Variants in GTF3C2 observed in about 807,000 individuals in gnomAD.
The protein encoded by GTF3C2 is general transcription factor IIIC subunit 2.
Under a neutral mutation model 117.4 loss-of-function variants are expected in GTF3C2, and 17 were observed. That is an observed-to-expected ratio of 0.14 (90% CI 0.10 to 0.22). The LOEUF is 0.22. GTF3C2 is among the 10% of genes least tolerant of loss of function. The pLI is 1.00. For missense variants in GTF3C2, 888 were observed against 1,143.6 expected (o/e 0.78, Z 3.22); for synonymous variants, 437 against 427.0 (o/e 1.02, Z -0.29).
chr2:27,349,496 T>C (rs1240195836), intron 1 of GTF3C2, among the ~76,000 whole-genome samples: 5 of 152,030 alleles, frequency 3.3e-5, no homozygotes, highest in Admixed American at 1.3e-4. Context: ...AAGAGATGCC[T>C]AAAACAAAAT....
intron 1 of GTF3C2, among the ~76,000 whole-genome samples, chr2:27,354,239 T>A (rs1681244952): frequency 6.6e-6 from 1 of 151,908 alleles, no homozygotes; most frequent in Admixed American, 6.6e-5. Context: ...GCTGTGATCA[T>A]GCCACTCGAC....
chr2:27,329,289 A>C lies in GTF3C2; in HGVS notation c.1878-7T>G, dbSNP rs1159484607. ...CGCAGAGACAAGGAAATGGCTGTAA[A>C]AAGACGGGAGAAGGTCAAATCCAAA... is the stretch of plus-strand genomic sequence containing the variant. On this transcript the variant is annotated splice_region_variant and splice_polypyrimidine_tract_variant and intron_variant, in intron 13 of 18. Coordinates refer to ENST00000264720, the Ensembl canonical transcript of GTF3C2. The surrounding 1 kb of genome is among the most constrained non-coding windows in gnomAD (Gnocchi z 4.5). 14 of 1,614,158 alleles carry C rather than the reference A, an allele frequency of 8.7e-6. No individual in the cohort carries two copies. Among genetic ancestry groups the C allele is most frequent in the Non-Finnish European group, 1.2e-5 (14 of 1,180,012 alleles).
chr2:27,343,943 A>G (rs1015813141), intron 1 of GTF3C2, among the ~76,000 whole-genome samples: 5 of 152,200 alleles, frequency 3.3e-5, no homozygotes, highest in African/African-American at 1.2e-4. Flanking sequence ...ATGACAATAA[A>G]CAAGACAGAC....
exon 19 of GTF3C2, chr2:27,326,433 C>CCAT: frequency 1.7e-6 from 1 of 580,904 alleles, no homozygotes; most frequent in South Asian, 2.0e-5. Context: ...TTCTCATGAG[C>CCAT]CATAGTCTTA....
chr2:27,350,607 C>T, intron 1 of GTF3C2: 1 of 573,932 alleles, frequency 1.7e-6, no homozygotes, highest in Non-Finnish European at 2.2e-6. Context: ...CAAGATCAGC[C>T]TGGGCAACAC....
Position 27,329,059 on chromosome 2 carries a change from C to T in GTF3C2, c.2039+62G>A, listed in dbSNP as rs1344742921. The T allele has an allele frequency of 2.6e-6, 4 of 1,545,612 alleles. No individual in the cohort carries two copies. The highest frequency in any genetic ancestry group is 3.6e-6 in the Non-Finnish European group (4 of 1,118,492). The stretch of plus-strand genomic sequence containing the variant: ...CCCTCCTCTCCCCACAACAATCTGG[C>T]ATGCTTTGCATTCCAACCCTTAGGG... On this transcript the variant is annotated intron_variant, in intron 14 of 18. Coordinates refer to ENST00000264720, the Ensembl canonical transcript of GTF3C2. This position sits in a 1 kb window ranked among gnomAD's most constrained non-coding sequence, Gnocchi z 4.5.
At chr2:27,331,901 T>C (rs1013295524) in intron 12 of GTF3C2, among the ~76,000 whole-genome samples, 3 of 152,114 alleles carry the variant, frequency 2.0e-5, no homozygotes, top group African/African-American at 7.2e-5. Flanking sequence ...ATCTTGCCAC[T>C]GCACTCCAGC....
At chr2:27,328,295 C>A (rs1572561991) in intron 16 of GTF3C2, 106 bp from the exon 17 acceptor site, 1 of 1,029,902 alleles carries the variant, frequency 9.7e-7, no homozygotes, top group East Asian at 2.4e-5. Flanking sequence ...AAAGTAGTAT[C>A]TTTAAATATA....
chr2:27,337,120 T>C (rs1680513336), intron 7 of GTF3C2, 124 bp downstream of exon 7: 2 of 648,762 alleles, frequency 3.1e-6, no homozygotes, highest in Admixed American at 2.8e-5. Flanking sequence ...AGCACTCTTA[T>C]TCTTGGGACC....
At chr2:27,326,846 C>G (rs199644340) in exon 19 of GTF3C2, 1 of 1,613,930 alleles carries the variant, frequency 6.2e-7, no homozygotes, top group Non-Finnish European at 8.5e-7. Context: ...CTGACTGCCC[C>G]CCAGATACCA....
At chr2:27,347,585 A>T (rs1423323650) in intron 1 of GTF3C2, among the ~76,000 whole-genome samples, 1 of 152,234 alleles carries the variant, frequency 6.6e-6, no homozygotes, top group Admixed American at 6.5e-5. Flanking sequence ...CCGAAAGAAA[A>T]GGATAGAAAG....
intron 16 of GTF3C2, 117 bp from the exon 17 acceptor site, chr2:27,328,306 T>A (rs750609156): frequency 9.6e-5 from 96 of 999,498 alleles, no homozygotes; most frequent in Middle Eastern, 2.6e-4. Context: ...TTTAAATATA[T>A]GCTCAGATGC....
chr2:27,343,635 AT>A, intron 1 of GTF3C2, 57 bp from the exon 2 acceptor site: 1 of 1,408,734 alleles, frequency 7.1e-7, no homozygotes, highest in Non-Finnish European at 9.9e-7. Flanking sequence ...ACTAGCTCAG[AT>A]TTTTATTTCC....
intron 12 of GTF3C2, among the ~76,000 whole-genome samples, chr2:27,332,527 G>A (rs1221654410): frequency 6.6e-6 from 1 of 151,714 alleles, no homozygotes; most frequent in Non-Finnish European, 1.5e-5. Flanking sequence ...CCATTCTCCT[G>A]ACCCAGCCTC....
intron 4 of GTF3C2, among the ~76,000 whole-genome samples, chr2:27,341,170 G>A (rs1680717402): frequency 6.6e-6 from 1 of 151,952 alleles, no homozygotes; most frequent in Non-Finnish European, 1.5e-5. Context: ...CAAGTAGCTG[G>A]GACTACAGGT....
intron 12 of GTF3C2, among the ~76,000 whole-genome samples, chr2:27,330,334 C>T (rs1370677013): frequency 6.6e-6 from 1 of 151,386 alleles, no homozygotes; most frequent in Admixed American, 6.6e-5. Context: ...TGGTGGTGTA[C>T]ACCTGTAATC....
rs1572563301 is a variant in GTF3C2 at position 27,329,547 on chromosome 2, A to G, written c.1733-24T>C. On this transcript the variant is annotated intron_variant, in intron 12 of 18. Coordinates refer to ENST00000264720, the Ensembl canonical transcript of GTF3C2. The surrounding 1 kb of genome is among the most constrained non-coding windows in gnomAD (Gnocchi z 4.5). ...GCCTGAAATAAGGACAGAATGTGTG[A>G]GCATTAAAAGCAAGTTCTCTCTTCC... 1.2e-6 allele frequency: 2 copies of G among 1,611,298 alleles called. No individual in the cohort carries two copies. The highest frequency in any genetic ancestry group is 1.7e-6 in the Non-Finnish European group (2 of 1,178,328).
intron 10 of GTF3C2, among the ~76,000 whole-genome samples, chr2:27,334,536 G>C (rs1237376767): frequency 6.6e-6 from 1 of 151,922 alleles, no homozygotes; most frequent in Non-Finnish European, 1.5e-5. Context: ...ATATTGCTAT[G>C]TGAACATGCC....
chr2:27,332,403 A>T lies in GTF3C2; in HGVS notation c.1732+1252T>A, dbSNP rs182301574. 3.5e-3 allele frequency among the ~76,000 whole-genome samples: 532 copies of T among 151,932 alleles called. 1 individual carries two copies. The highest frequency in any genetic ancestry group is 5.9e-3 in the Non-Finnish European group (404 of 67,974). On this transcript the variant is annotated intron_variant, in intron 12 of 18. Transcript: ENST00000264720. Reference sequence around the variant, plus strand: ...GATGTTCCTCACTTTTTAATTTTTTAAAAATTTTATTATTTTTAGTTTTTT... The same window carrying T: ...GATGTTCCTCACTTTTTAATTTTTTTAAAATTTTATTATTTTTAGTTTTTT...
Sources: allele counts gnomAD v4.1 joint callset (sites outside exome capture counted in the v4.1 genomes callset), GRCh38; gene constraint gnomAD v4.1.1; non-coding constraint Gnocchi (gnomAD v3.1); transcripts MANE v1.5; gene names NCBI Gene and HGNC (gene_info 2026-07-23, HGNC 2026-07-21).